The following SYT1 variants were observed in gnomAD, a reference collection of about 807,000 sequenced individuals.
The protein encoded by SYT1 is synaptotagmin-1.
A neutral mutation model predicts 44.8 loss-of-function variants in SYT1; 8 were observed. The observed-to-expected ratio is 0.18, with a 90% CI of 0.10 to 0.32. The LOEUF (loss-of-function observed/expected upper bound fraction) is 0.32. Among genes scored for constraint, SYT1 ranks in the 10% least tolerant of loss-of-function variants. The pLI is 1.00. For missense variants in SYT1, 286 were observed against 509.3 expected (o/e 0.56, Z 4.22); for synonymous variants, 154 against 188.8 (o/e 0.82, Z 1.51).
intron 3 of SYT1, among the ~76,000 whole-genome samples, chr12:79,089,262 T>C (rs1042821440): frequency 3.3e-5 from 5 of 151,964 alleles, no homozygotes; most frequent in African/African-American, 7.2e-5. Flanking sequence ...AAGGCTAAAG[T>C]GGACAATTTG....
chr12:79,107,803 A>G (rs569019346), intron 3 of SYT1, among the ~76,000 whole-genome samples: 2 of 152,154 alleles, frequency 1.3e-5, no homozygotes, highest in South Asian at 4.1e-4. Flanking sequence ...ATAATTTATT[A>G]TCAATTAAGA....
intron 2 of SYT1, among the ~76,000 whole-genome samples, chr12:79,007,005 C>T (rs963880597): frequency 7.2e-5 from 11 of 152,200 alleles, no homozygotes; most frequent in African/African-American, 2.4e-4. Flanking sequence ...AAATATACCC[C>T]TAAGCTCTCT....
intron 1 of SYT1, among the ~76,000 whole-genome samples, chr12:78,881,274 C>T (rs7961510): frequency 0.51 from 77,594 of 151,334 alleles, 20,195 homozygotes; most frequent in Non-Finnish European, 0.56. Context: ...GCTCCCTTCA[C>T]TTCTAATTTA....
chr12:78,887,501 A>T (rs1387468678), intron 1 of SYT1, among the ~76,000 whole-genome samples: 1 of 151,978 alleles, frequency 6.6e-6, no homozygotes, highest in African/African-American at 2.4e-5. Flanking sequence ...CGATAGTAAG[A>T]ATAAATCTAT....
chr12:79,127,717 G>C lies in SYT1; in HGVS notation c.-18+80355G>C, dbSNP rs1329521058. On this transcript the variant is annotated intron_variant, in intron 3 of 10. Coordinates refer to ENST00000261205, the MANE Select transcript of SYT1 (RefSeq NM_005639.3). ...ATTTGTGTGACTGTTTCTGTTTCCA[G>C]CTGTCTTTATCCAGCCACACAGAAG... 2.0e-5 allele frequency among the ~76,000 whole-genome samples: 3 copies of C among 152,292 alleles called. No individual in the cohort carries two copies. In the East Asian group the frequency reaches 5.8e-4, roughly 29 times the overall value.
Position 79,224,327 on chromosome 12 carries a change from A to C in SYT1, c.166+6642A>C, listed in dbSNP as rs530946581. ...AAGAAAAGAAGTTAGAAATTAATAA[A>C]GAGGAAAATATATATTAATAAATGA... On this transcript the variant is annotated intron_variant, in intron 4 of 10. Transcript: ENST00000261205. Among the ~76,000 whole-genome samples, 37 of 152,362 alleles carry C rather than the reference A, an allele frequency of 2.4e-4. 1 individual carries two copies. In the South Asian group the frequency reaches 7.7e-3, roughly 32 times the overall value.
At chr12:79,383,399 A>T (rs977636872) in intron 9 of SYT1, among the ~76,000 whole-genome samples, 6 of 152,182 alleles carry the variant, frequency 3.9e-5, no homozygotes, top group African/African-American at 1.2e-4. Context: ...CTTGACCAAA[A>T]CATTCTTGTA....
At chr12:79,103,618 T>G (rs929531699) in intron 3 of SYT1, among the ~76,000 whole-genome samples, 2 of 152,072 alleles carry the variant, frequency 1.3e-5, no homozygotes, top group African/African-American at 2.4e-5. Flanking sequence ...AGCATAATAT[T>G]TATTCCATAA....
At chr12:78,888,333 A>G (rs1281322495) in intron 1 of SYT1, among the ~76,000 whole-genome samples, 1 of 151,880 alleles carries the variant, frequency 6.6e-6, no homozygotes, top group African/African-American at 2.4e-5. Flanking sequence ...ACCCTGGTAA[A>G]TGGATGGACC....
intron 2 of SYT1, among the ~76,000 whole-genome samples, chr12:79,026,667 TTATATATATATATATATATATATATA>T (rs3064320): frequency 2.0e-5 from 2 of 102,280 alleles, no homozygotes; most frequent in African/African-American, 7.6e-5. Flanking sequence ...CATATATATT[TTATATATATATATATATATATATATA>T]TATATATATC....
At chr12:79,401,454 G>C (rs1450569954) in intron 9 of SYT1, among the ~76,000 whole-genome samples, 1 of 152,094 alleles carries the variant, frequency 6.6e-6, no homozygotes, top group African/African-American at 2.4e-5. Flanking sequence ...TATTCATGAA[G>C]CTAGTAACAT....
chr12:79,212,508 A>AG (rs1204953871), intron 3 of SYT1, among the ~76,000 whole-genome samples: 1 of 151,766 alleles, frequency 6.6e-6, no homozygotes, highest in East Asian at 1.9e-4. Context: ...GAAAAAAAAA[A>AG]AAAGAAAATT....
chr12:78,904,891 T>G (rs950910953), intron 1 of SYT1, among the ~76,000 whole-genome samples: 4 of 152,182 alleles, frequency 2.6e-5, no homozygotes, highest in African/African-American at 9.6e-5. Flanking sequence ...GATTTCAAAG[T>G]TTAAATAGAA....
chr12:79,025,756 T>C (rs2137644673), intron 2 of SYT1, among the ~76,000 whole-genome samples: 1 of 151,746 alleles, frequency 6.6e-6, no homozygotes, highest in East Asian at 1.9e-4. Context: ...GCGTGCATAA[T>C]AGCTATTAAG....
intron 8 of SYT1, among the ~76,000 whole-genome samples, chr12:79,337,277 C>G (rs1379360136): frequency 6.6e-6 from 1 of 152,172 alleles, no homozygotes; most frequent in South Asian, 2.1e-4. Flanking sequence ...CCCCACAGCT[C>G]CTCTTTTATG....
intron 3 of SYT1, among the ~76,000 whole-genome samples, chr12:79,100,203 G>A (rs945680049): frequency 9.2e-5 from 14 of 152,078 alleles, no homozygotes; most frequent in Non-Finnish European, 1.9e-4. Flanking sequence ...GCAACTGTAC[G>A]AAGTATTATG....
intron 3 of SYT1, among the ~76,000 whole-genome samples, chr12:79,059,083 TC>T (rs1875180447): frequency 6.6e-6 from 1 of 151,526 alleles, no homozygotes; most frequent in Non-Finnish European, 1.5e-5. Flanking sequence ...TGAATGGGGG[TC>T]AAAGGCACAT....
chr12:79,112,624 T>A (rs1879076850), intron 3 of SYT1, among the ~76,000 whole-genome samples: 1 of 152,098 alleles, frequency 6.6e-6, no homozygotes, highest in Non-Finnish European at 1.5e-5. Context: ...TAGCATCACT[T>A]AATTACACCA....
intron 3 of SYT1, among the ~76,000 whole-genome samples, chr12:79,087,428 ATTTC>A (rs1445115934): frequency 6.6e-6 from 1 of 152,080 alleles, no homozygotes; most frequent in Non-Finnish European, 1.5e-5. Context: ...TTAATATTAT[ATTTC>A]TTTAAGTTGT....
Sources: allele counts gnomAD v4.1 joint callset (sites outside exome capture counted in the v4.1 genomes callset), GRCh38; gene constraint gnomAD v4.1.1; transcripts MANE v1.5; gene names NCBI Gene and HGNC (gene_info 2026-07-23, HGNC 2026-07-21).